The following USP10 variants were observed in gnomAD, a reference collection of about 807,000 sequenced individuals.
USP10 encodes ubiquitin carboxyl-terminal hydrolase 10.
A neutral mutation model predicts 84.5 loss-of-function variants in USP10; 22 were observed. That is an observed-to-expected ratio of 0.26 (90% CI 0.19 to 0.37). USP10 has a LOEUF of 0.37. USP10 is among the 10% of genes least tolerant of loss of function. USP10 has a pLI of 1.00. For synonymous variants in USP10, 454 were observed against 387.6 expected (o/e 1.17, Z -2.01); for missense variants, 1,019 against 998.9 (o/e 1.02, Z -0.27).
At chr16:84,739,785 CTG>C (rs1301170214) in intron 2 of USP10, among the ~76,000 whole-genome samples, 2 of 152,192 alleles carry the variant, frequency 1.3e-5, no homozygotes, top group African/African-American at 4.8e-5. Flanking sequence ...AATTAAGGCA[CTG>C]TGTTAAAAAG....
intron 13 of USP10, among the ~76,000 whole-genome samples, chr16:84,776,435 C>T (rs746811908): frequency 1.3e-5 from 2 of 152,224 alleles, no homozygotes; most frequent in Non-Finnish European, 1.5e-5. Context: ...TCCCCCCGAT[C>T]ACAATTCCTC....
rs1164470400 is a variant in USP10, at chr16:84,717,558, CTG to C, written c.22-15874_22-15873del. ...AGCTTGGTGACAAGCTGTTTGGTGACTGTGAGCCATTCTGTCAGCATTTGCTA... is the reference window on the plus strand; with the variant it reads ...AGCTTGGTGACAAGCTGTTTGGTGACTGAGCCATTCTGTCAGCATTTGCTA... On this transcript the variant is annotated intron_variant, in intron 1 of 13. Coordinates refer to ENST00000219473, the MANE Select transcript of USP10 (RefSeq NM_005153.3). 3.3e-5 allele frequency among the ~76,000 whole-genome samples: 5 copies of C among 152,254 alleles called. No individual in the cohort carries two copies. The South Asian group carries it at 8.3e-4, about 25-fold the overall frequency.
chr16:84,761,138 A>C (rs1198557483), intron 8 of USP10, among the ~76,000 whole-genome samples: 1 of 152,064 alleles, frequency 6.6e-6, no homozygotes, highest in Non-Finnish European at 1.5e-5. Flanking sequence ...GCAGAAATGG[A>C]ATGAAGTGCG....
At chr16:84,772,926 A>G (rs1267209464) in intron 12 of USP10, among the ~76,000 whole-genome samples, 1 of 152,210 alleles carries the variant, frequency 6.6e-6, no homozygotes, top group Admixed American at 6.5e-5. Context: ...GAAAAATAGC[A>G]GCTTTTGTCT....
At chr16:84,704,791 C>G in intron 1 of USP10, 1 of 1,535,628 alleles carries the variant, frequency 6.5e-7, no homozygotes, top group Non-Finnish European at 8.7e-7. Flanking sequence ...CCCAGAAGCT[C>G]TACCAGCACT....
At chr16:84,722,358 T>A (rs540827190) in intron 1 of USP10, among the ~76,000 whole-genome samples, 1 of 152,236 alleles carries the variant, frequency 6.6e-6, no homozygotes, top group Non-Finnish European at 1.5e-5. Flanking sequence ...TTTTTGTTGT[T>A]CCCACTGTTT....
At chr16:84,720,576 A>ATTTTTTTAT (rs1907652641) in intron 1 of USP10, among the ~76,000 whole-genome samples, 5 of 88,340 alleles carry the variant, frequency 5.7e-5, no homozygotes, top group African/African-American at 2.4e-4. Flanking sequence ...ATGATGCCCA[A>ATTTTTTTAT]TTTTTTTTTT....
At chr16:84,726,858 T>C (rs1908556095) in intron 1 of USP10, among the ~76,000 whole-genome samples, 1 of 152,238 alleles carries the variant, frequency 6.6e-6, no homozygotes, top group Non-Finnish European at 1.5e-5. Flanking sequence ...CCCTGGGCAT[T>C]TCCTATGCAA....
chr16:84,777,349 A>T (rs115344722), intron 13 of USP10, among the ~76,000 whole-genome samples: 2 of 152,202 alleles, frequency 1.3e-5, no homozygotes, highest in Non-Finnish European at 2.9e-5. Context: ...TGCAGATTCT[A>T]CTGATGGTCG....
intron 1 of USP10, among the ~76,000 whole-genome samples, chr16:84,705,570 A>T (rs1376773933): frequency 6.7e-6 from 1 of 149,774 alleles, no homozygotes; most frequent in East Asian, 2.0e-4. Context: ...CATCTAGCTG[A>T]CTCCTCCCTC....
intron 3 of USP10, among the ~76,000 whole-genome samples, chr16:84,742,306 A>C (rs1277937192): frequency 6.6e-6 from 1 of 152,118 alleles, no homozygotes; most frequent in African/African-American, 2.4e-5. Context: ...CTAGTTTCTG[A>C]TAGAAGTTGA....
chr16:84,773,653 GC>G (rs1290743331), intron 12 of USP10, among the ~76,000 whole-genome samples: 3 of 152,180 alleles, frequency 2.0e-5, no homozygotes, highest in Non-Finnish European at 4.4e-5. Flanking sequence ...ACTTCTAGCT[GC>G]CTTATCACTC....
At chr16:84,728,279 C>G (rs550169856) in intron 1 of USP10, among the ~76,000 whole-genome samples, 2 of 152,246 alleles carry the variant, frequency 1.3e-5, no homozygotes, top group East Asian at 3.9e-4. Context: ...AATTGTCACT[C>G]ACTGGTATTT....
At chr16:84,701,232 C>G (rs1406346999) in intron 1 of USP10, among the ~76,000 whole-genome samples, 1 of 152,184 alleles carries the variant, frequency 6.6e-6, no homozygotes, top group African/African-American at 2.4e-5. Context: ...GTTGTGGAAT[C>G]TAAAATGCGA....
chr16:84,734,153 G>T (rs1396898072), intron 2 of USP10, among the ~76,000 whole-genome samples: 1 of 152,066 alleles, frequency 6.6e-6, no homozygotes, highest in Non-Finnish European at 1.5e-5. Flanking sequence ...GGAATTACTG[G>T]GTTCTGTGGA....
intron 2 of USP10, among the ~76,000 whole-genome samples, chr16:84,737,894 T>A (rs1311832049): frequency 6.6e-6 from 1 of 152,194 alleles, no homozygotes; most frequent in Non-Finnish European, 1.5e-5. Flanking sequence ...CCACCCTCAG[T>A]CAGCGCCACC....
At chr16:84,741,334 A>T (rs1688661754) in intron 3 of USP10, among the ~76,000 whole-genome samples, 1 of 152,214 alleles carries the variant, frequency 6.6e-6, no homozygotes, top group Non-Finnish European at 1.5e-5. Context: ...AGCTTGAGGG[A>T]CCGGGAAGCC....
intron 10 of USP10, 102 bp downstream of exon 10, chr16:84,764,365 T>C (rs1913578435): frequency 6.7e-7 from 1 of 1,481,570 alleles, no homozygotes; most frequent in Non-Finnish European, 9.3e-7. Flanking sequence ...TTCTTGGACG[T>C]AATGGTTTGC....
chr16:84,726,636 A>C (rs976914298), intron 1 of USP10, among the ~76,000 whole-genome samples: 2 of 152,096 alleles, frequency 1.3e-5, no homozygotes, highest in Non-Finnish European at 2.9e-5. Context: ...TTTTTTCCAC[A>C]TCCTCTTGAG....
Sources: gnomAD v4.1 joint callset for allele counts (sites outside exome capture counted in the v4.1 genomes callset) on GRCh38, gnomAD v4.1.1 for gene constraint, MANE v1.5 for transcripts, NCBI Gene and HGNC (gene_info 2026-07-23, HGNC 2026-07-21) for gene names.